Variants in SYT1 observed in about 807,000 individuals in gnomAD.
SYT1 encodes the protein synaptotagmin-1.
A neutral mutation model predicts 44.8 loss-of-function variants in SYT1; 8 were observed. The ratio of observed to expected loss-of-function variants is 0.18; its 90% CI spans 0.10 to 0.32. SYT1 has a LOEUF of 0.32. SYT1 is among the 10% of genes least tolerant of loss of function. The probability of loss-of-function intolerance (pLI) is 1.00; values close to 1 mark genes in which losing one functional copy is unlikely to be tolerated. For missense variants in SYT1, 286 were observed against 509.3 expected (o/e 0.56, Z 4.22); for synonymous variants, 154 against 188.8 (o/e 0.82, Z 1.51).
chr12:78,901,644 T>G (rs535792473), intron 1 of SYT1, among the ~76,000 whole-genome samples: 30 of 152,234 alleles, frequency 2.0e-4, no homozygotes, highest in Non-Finnish European at 2.1e-4. Context: ...TAATTTGCTG[T>G]TGTGAAAACA....
intron 9 of SYT1, among the ~76,000 whole-genome samples, chr12:79,360,172 G>A (rs556350804): frequency 3.3e-5 from 5 of 151,954 alleles, no homozygotes; most frequent in African/African-American, 1.2e-4. Context: ...TGAGGCCTAG[G>A]TCAGCCAAGT....
intron 3 of SYT1, among the ~76,000 whole-genome samples, chr12:79,145,707 G>T (rs548684349): frequency 6.6e-6 from 1 of 151,698 alleles, no homozygotes; most frequent in African/African-American, 2.4e-5. Flanking sequence ...CAAATAGTTG[G>T]ACCCCAGAAC....
chr12:79,102,395 C>G (rs985111702), intron 3 of SYT1, among the ~76,000 whole-genome samples: 7 of 152,068 alleles, frequency 4.6e-5, no homozygotes, highest in African/African-American at 1.7e-4. Flanking sequence ...GAAAGCTTCC[C>G]CTAGACTTCT....
intron 4 of SYT1, among the ~76,000 whole-genome samples, chr12:79,247,637 T>C (rs898665813): frequency 1.3e-5 from 2 of 152,206 alleles, no homozygotes; most frequent in Non-Finnish European, 2.9e-5. Context: ...GCCGTGGATC[T>C]CTAAACATTT....
intron 10 of SYT1, among the ~76,000 whole-genome samples, chr12:79,445,806 C>T (rs1466165481): frequency 6.7e-6 from 1 of 149,486 alleles, no homozygotes; most frequent in Non-Finnish European, 1.5e-5. Flanking sequence ...TCTTAGAAGA[C>T]AGTATCTTAT....
At chr12:78,910,408 C>A (rs570239959) in intron 1 of SYT1, among the ~76,000 whole-genome samples, 2 of 151,904 alleles carry the variant, frequency 1.3e-5, no homozygotes, top group African/African-American at 4.8e-5. Context: ...CCTGGGTTAA[C>A]TTTTTTAGAC....
chr12:79,007,413 T>A (rs1871163232), intron 2 of SYT1, among the ~76,000 whole-genome samples: 1 of 152,064 alleles, frequency 6.6e-6, no homozygotes, highest in African/African-American at 2.4e-5. Context: ...AAAACATGCA[T>A]GTTTTATGTG....
chr12:79,128,453 G>A (rs911724233), intron 3 of SYT1, among the ~76,000 whole-genome samples: 2 of 152,140 alleles, frequency 1.3e-5, no homozygotes, highest in African/African-American at 2.4e-5. Flanking sequence ...AGACAGACAC[G>A]TAGATAGAAA....
At chr12:79,023,297 G>A (rs756354293) in intron 2 of SYT1, among the ~76,000 whole-genome samples, 3 of 151,850 alleles carry the variant, frequency 2.0e-5, no homozygotes, top group Non-Finnish European at 4.4e-5. Context: ...ATTGTGCTCT[G>A]AATCTTCATA....
intron 3 of SYT1, among the ~76,000 whole-genome samples, chr12:79,187,159 G>A (rs931765153): frequency 4.0e-5 from 6 of 151,894 alleles, no homozygotes; most frequent in Non-Finnish European, 7.4e-5. Context: ...GCTACCATCT[G>A]GCTTGTTTTA....
chr12:79,307,767 C>A (rs1880484542), intron 8 of SYT1, among the ~76,000 whole-genome samples: 1 of 152,194 alleles, frequency 6.6e-6, no homozygotes, highest in Non-Finnish European at 1.5e-5. Context: ...CCTTGCCTAA[C>A]GGCATGTATG....
At chr12:79,002,988 C>A (rs1025123503) in intron 2 of SYT1, among the ~76,000 whole-genome samples, 4 of 152,060 alleles carry the variant, frequency 2.6e-5, no homozygotes, top group Middle Eastern at 3.4e-3. Context: ...AATCACTTGA[C>A]CCACCACTGG....
rs1014353732 is a variant in SYT1, at chr12:79,166,768, G to T, written c.-17-50735G>T. The stretch of plus-strand genomic sequence containing the variant: ...GACTCCAGATGCTATACAAATGTTG[G>T]TTGGATTATACGGGAAGCTTTAGAG... On this transcript the variant is annotated intron_variant, in intron 3 of 10. Transcript: ENST00000261205. Among the ~76,000 whole-genome samples, 5 of 152,162 alleles carry T rather than the reference G, an allele frequency of 3.3e-5. 1 individual carries two copies.
At chr12:79,082,652 A>G (rs1877112904) in intron 3 of SYT1, among the ~76,000 whole-genome samples, 1 of 152,134 alleles carries the variant, frequency 6.6e-6, no homozygotes, top group African/African-American at 2.4e-5. Flanking sequence ...ATATCCCTGA[A>G]CCCTTGCTGC....
intron 9 of SYT1, among the ~76,000 whole-genome samples, chr12:79,379,024 T>A (rs2136067525): frequency 6.6e-6 from 1 of 151,944 alleles, no homozygotes; most frequent in South Asian, 2.1e-4. Context: ...GGGGTGGGAG[T>A]TGGGGATGTG....
intron 2 of SYT1, among the ~76,000 whole-genome samples, chr12:79,036,291 A>G (rs1377757375): frequency 6.6e-6 from 1 of 151,772 alleles, no homozygotes; most frequent in Non-Finnish European, 1.5e-5. Flanking sequence ...GCTTGTAGGA[A>G]AAAAAATACC....
At position 78,903,599 on chromosome 12, in the gene SYT1, T is replaced by G. The variant is rs186189760; in HGVS notation, c.-217+38490T>G. Among the ~76,000 whole-genome samples, 1,288 of 152,234 alleles carry G rather than the reference T, an allele frequency of 8.5e-3. 23 individuals carry two copies. The highest frequency in any genetic ancestry group is 0.03 in the African/African-American group (1,243 of 41,556). On this transcript the variant is annotated intron_variant, in intron 1 of 10. Transcript: ENST00000261205. Reference sequence around the variant, plus strand: ...CGCACCTGGATAAAATATTTGTATATTTTATATGTAACACTTGTTTTATAA... The same window carrying G: ...CGCACCTGGATAAAATATTTGTATAGTTTATATGTAACACTTGTTTTATAA...
chr12:79,127,924 T>A (rs1868542340), intron 3 of SYT1, among the ~76,000 whole-genome samples: 1 of 152,156 alleles, frequency 6.6e-6, no homozygotes, highest in African/African-American at 2.4e-5. Context: ...ATAAAAAAGA[T>A]CATAGATAGA....
chr12:78,926,647 A>T (rs1316265750), intron 1 of SYT1: 2 of 152,114 alleles, frequency 1.3e-5, no homozygotes, highest in African/African-American at 4.8e-5. Context: ...TTAAATGACA[A>T]TACAACTATG....
Sources: allele counts gnomAD v4.1 joint callset (sites outside exome capture counted in the v4.1 genomes callset), GRCh38; gene constraint gnomAD v4.1.1; transcripts MANE v1.5; gene names NCBI Gene and HGNC (gene_info 2026-07-23, HGNC 2026-07-21).